Variants in THADA observed in about 807,000 individuals in gnomAD.
THADA encodes the protein THADA armadillo repeat containing.
A neutral mutation model predicts 219.8 loss-of-function variants in THADA; 213 were observed. The observed-to-expected ratio is 0.97, with a 90% CI of 0.87 to 1.09. THADA has a LOEUF of 1.09. THADA is among the 50% of genes least tolerant of loss of function. THADA has a pLI of 0.00. For synonymous variants in THADA, 1,018 were observed against 828.9 expected (o/e 1.23, Z -3.92); for missense variants, 2,956 against 2,311.3 (o/e 1.28, Z -5.72).
At position 43,231,239 on chromosome 2, in the gene THADA, C is replaced by G. The variant is rs751783656; in HGVS notation, c.5571G>C (p.Lys1857Asn). The change falls in exon 38 of 38, where the codon AAG becomes AAC. Residue 1857 changes from lysine (K) to asparagine (N), a missense_variant. Coordinates refer to ENST00000405975, the MANE Select transcript of THADA (RefSeq NM_022065.5). ...LCKHLFCLLS[K>N]SGWRPPSPEM... ...CAGGGCTTGGGGGACGCCAGCCGGA[C>G]TTTGAGAGGAGACAGAAGAGGTGCT... is the stretch of plus-strand genomic sequence containing the variant. 1.2e-6 allele frequency: 2 copies of G among 1,613,774 alleles called. No individual in the cohort carries two copies. Among genetic ancestry groups the G allele is most frequent in the South Asian group, 2.2e-5 (2 of 91,044 alleles).
chr2:43,235,227 G>T (rs1171361779), intron 36 of THADA, among the ~76,000 whole-genome samples: 1 of 151,184 alleles, frequency 6.6e-6, no homozygotes, highest in African/African-American at 2.4e-5. Flanking sequence ...TGATTCACCC[G>T]CCTCAGCCTT....
intron 31 of THADA, among the ~76,000 whole-genome samples, chr2:43,297,640 GT>G (rs1223177443): frequency 9.9e-6 from 1 of 101,284 alleles, no homozygotes; most frequent in African/African-American, 5.4e-5. Flanking sequence ...CGTCCGGGAG[GT>G]GAGGGGCGCC....
chr2:43,589,712 G>A (rs1041527396), intron 4 of THADA, among the ~76,000 whole-genome samples: 3 of 152,088 alleles, frequency 2.0e-5, no homozygotes, highest in African/African-American at 7.2e-5. Flanking sequence ...AGAAATAAAA[G>A]ACTACAAATT....
chr2:43,249,278 G>T (rs1050330321), intron 36 of THADA, among the ~76,000 whole-genome samples: 2 of 152,046 alleles, frequency 1.3e-5, no homozygotes, highest in African/African-American at 4.8e-5. Flanking sequence ...GTAGAGACAG[G>T]GTTTTTGCCA....
chr2:43,289,168 T>C (rs1674397503), intron 34 of THADA, among the ~76,000 whole-genome samples: 2 of 152,244 alleles, frequency 1.3e-5, no homozygotes, highest in Non-Finnish European at 2.9e-5. Flanking sequence ...TGTGGCCAAA[T>C]AATATTCCAT....
At chr2:43,493,514 T>A (rs548134046) in intron 25 of THADA, among the ~76,000 whole-genome samples, 21 of 152,162 alleles carry the variant, frequency 1.4e-4, no homozygotes, top group African/African-American at 5.1e-4. Context: ...AAACCCAGTG[T>A]GGGTCTTAGA....
chr2:43,465,403 TAG>T (rs147248056), intron 26 of THADA, among the ~76,000 whole-genome samples: 10,214 of 152,236 alleles, frequency 0.067, 403 homozygotes, highest in Non-Finnish European at 0.095. Context: ...AAGGGCTGGG[TAG>T]AGTCTCACAC....
intron 29 of THADA, among the ~76,000 whole-genome samples, chr2:43,348,074 A>G (rs947986953): frequency 6.6e-6 from 1 of 152,232 alleles, no homozygotes; most frequent in African/African-American, 2.4e-5. Flanking sequence ...CAAAACCAAT[A>G]GCCTTTGGGC....
At chr2:43,296,893 G>A (rs1041787347) in intron 31 of THADA, among the ~76,000 whole-genome samples, 1 of 151,214 alleles carries the variant, frequency 6.6e-6, no homozygotes, top group Non-Finnish European at 1.5e-5. Context: ...CGGGGCCCGA[G>A]GGCAAGGAGC....
intron 25 of THADA, among the ~76,000 whole-genome samples, chr2:43,490,736 T>C (rs199997836): frequency 1.3e-5 from 2 of 152,196 alleles, no homozygotes; most frequent in East Asian, 1.9e-4. Flanking sequence ...ATTGTTATAA[T>C]TGTTATCTCT....
At chr2:43,421,072 G>GT (rs1263927166) in intron 28 of THADA, among the ~76,000 whole-genome samples, 14 of 152,180 alleles carry the variant, frequency 9.2e-5, no homozygotes, top group Non-Finnish European at 1.9e-4. Context: ...ATTTCAAAAT[G>GT]TATGTATCTG....
At chr2:43,485,881 A>T (rs1664099256) in intron 25 of THADA, among the ~76,000 whole-genome samples, 1 of 151,552 alleles carries the variant, frequency 6.6e-6, no homozygotes, top group Admixed American at 6.6e-5. Flanking sequence ...AAAAAAAAGT[A>T]TTTTTTTAGA....
intron 23 of THADA, among the ~76,000 whole-genome samples, chr2:43,507,332 G>C (rs1689803022): frequency 6.6e-6 from 1 of 152,156 alleles, no homozygotes; most frequent in African/African-American, 2.4e-5. Context: ...CCAATACTTA[G>C]TATAAGTTGG....
At chr2:43,299,787 G>A (rs1012345069) in intron 31 of THADA, among the ~76,000 whole-genome samples, 1 of 151,980 alleles carries the variant, frequency 6.6e-6, no homozygotes, top group African/African-American at 2.4e-5. Context: ...AGCACTTTGG[G>A]AGGCCAAGGT....
intron 31 of THADA, among the ~76,000 whole-genome samples, chr2:43,298,047 C>T (rs1423911343): frequency 9.0e-6 from 1 of 111,680 alleles, no homozygotes; most frequent in Non-Finnish European, 1.7e-5. Flanking sequence ...GCCGCCCCTA[C>T]TGGGAAGTGA....
At chr2:43,447,955 G>A (rs1681791917) in intron 26 of THADA, among the ~76,000 whole-genome samples, 1 of 152,028 alleles carries the variant, frequency 6.6e-6, no homozygotes, top group African/African-American at 2.4e-5. Context: ...TTAGAGATTT[G>A]TCTCTATGTT....
chr2:43,576,677 C>T (rs1699888670), intron 10 of THADA, among the ~76,000 whole-genome samples: 1 of 152,110 alleles, frequency 6.6e-6, no homozygotes, highest in African/African-American at 2.4e-5. Flanking sequence ...TTTTTTAAGA[C>T]AGGATCTCAC....
intron 36 of THADA, among the ~76,000 whole-genome samples, chr2:43,273,330 G>C: frequency 6.6e-6 from 1 of 152,016 alleles, no homozygotes; most frequent in Non-Finnish European, 1.5e-5. Flanking sequence ...CTCATCTGAA[G>C]AGGAATTTAG....
chr2:43,466,894 C>CA (rs1316767275), intron 26 of THADA, among the ~76,000 whole-genome samples: 2 of 151,578 alleles, frequency 1.3e-5, no homozygotes. Context: ...GATTAAACAC[C>CA]ACGGGGGGCC....
Sources: allele counts gnomAD v4.1 joint callset (sites outside exome capture counted in the v4.1 genomes callset), GRCh38; gene constraint gnomAD v4.1.1; transcripts MANE v1.5; gene names NCBI Gene and HGNC (gene_info 2026-07-23, HGNC 2026-07-21).